Variants in TSHZ2 observed in about 807,000 individuals in gnomAD.
The protein encoded by TSHZ2 is teashirt homolog 2.
Under a neutral mutation model 74.4 loss-of-function variants are expected in TSHZ2, and 21 were observed. The observed-to-expected ratio is 0.28, with a 90% CI of 0.20 to 0.41. TSHZ2 has a LOEUF of 0.41. Among genes scored for constraint, TSHZ2 ranks in the 10% least tolerant of loss-of-function variants. TSHZ2 has a pLI of 1.00. For synonymous variants in TSHZ2, 540 were observed against 515.3 expected, an observed-to-expected ratio of 1.05 and a Z score of -0.65; for missense variants, 1,244 against 1,293.5, an observed-to-expected ratio of 0.96 and a Z score of 0.59.
In TSHZ2 at chr20:53,318,624, G is replaced by C. The variant is rs1476152446; in HGVS notation, c.*8+62053G>C. On this transcript the variant is annotated intron_variant, in intron 2 of 2. Coordinates refer to ENST00000371497, the MANE Select transcript of TSHZ2 (RefSeq NM_173485.6). ...TTGGCATCGTGGGCAGGAACACAAT[G>C]TAGCTTCCCTGGGAGAAGAAGGGAC... is the stretch of plus-strand genomic sequence containing the variant. Among the ~76,000 whole-genome samples, 4 of 152,330 alleles carry C rather than the reference G, an allele frequency of 2.6e-5. No individual in the cohort carries two copies. The East Asian group carries it at 7.7e-4, about 29-fold the overall frequency.
At chr20:53,359,532 A>G (rs898607130) in intron 2 of TSHZ2, among the ~76,000 whole-genome samples, 4 of 152,242 alleles carry the variant, frequency 2.6e-5, no homozygotes, top group Admixed American at 6.5e-5. Context: ...CTGTATTTTC[A>G]TTTGCTAAAT....
intron 2 of TSHZ2, among the ~76,000 whole-genome samples, chr20:53,320,780 TG>T (rs1979226720): frequency 6.6e-6 from 1 of 152,164 alleles, no homozygotes; most frequent in Admixed American, 6.5e-5. Flanking sequence ...CCTCCCACTT[TG>T]GGAGAGACTG....
In TSHZ2 at chr20:53,102,060, A is replaced by G. The variant is rs1986233052; in HGVS notation, c.40+128727A>G. On this transcript the variant is annotated intron_variant, in intron 1 of 2. Transcript: ENST00000371497. ...AAGAACCTACATTATTTCAAATTCT[A>G]TTCAATACTTAATGGTGTTATGGCA... Among the ~76,000 whole-genome samples the G allele has an allele frequency of 2.0e-5, 3 of 152,190 alleles. No homozygotes were observed. The South Asian group carries it at 6.2e-4, about 31-fold the overall frequency.
intron 1 of TSHZ2, among the ~76,000 whole-genome samples, chr20:53,040,056 A>C (rs1983980785): frequency 6.6e-6 from 1 of 152,152 alleles, no homozygotes; most frequent in South Asian, 2.1e-4. Context: ...CAGTGAGCCA[A>C]GATCGAGCCA....
chr20:53,342,931 A>ATTTCTTTTCT (rs1210110126), intron 2 of TSHZ2, among the ~76,000 whole-genome samples: 1 of 49,932 alleles, frequency 2.0e-5, no homozygotes, highest in Non-Finnish European at 4.4e-5. Flanking sequence ...AAGAACCCGT[A>ATTTCTTTTCT]TTTCTTTTCT....
At chr20:52,981,363 C>A (rs1200007150) in intron 1 of TSHZ2, among the ~76,000 whole-genome samples, 1 of 152,206 alleles carries the variant, frequency 6.6e-6, no homozygotes, top group Non-Finnish European at 1.5e-5. Flanking sequence ...CTTGGGCAGG[C>A]TGCTCAAATC....
chr20:53,332,424 G>A (rs1008085303), intron 2 of TSHZ2, among the ~76,000 whole-genome samples: 2 of 152,178 alleles, frequency 1.3e-5, no homozygotes, highest in Non-Finnish European at 2.9e-5. Context: ...CAAGAAGAAT[G>A]AAAAAGACGA....
intron 1 of TSHZ2, among the ~76,000 whole-genome samples, chr20:53,109,611 A>G (rs1483154039): frequency 6.6e-6 from 1 of 152,164 alleles, no homozygotes; most frequent in Non-Finnish European, 1.5e-5. Flanking sequence ...CAGAATTTTA[A>G]TTCTCCCTTT....
chr20:53,454,289 C>T (rs577018563), intron 2 of TSHZ2, among the ~76,000 whole-genome samples: 2 of 152,218 alleles, frequency 1.3e-5, no homozygotes, highest in Non-Finnish European at 2.9e-5. Flanking sequence ...AAAGGCCAGG[C>T]GTGGTGGCTC....
At chr20:53,021,290 A>T (rs1983236057) in intron 1 of TSHZ2, among the ~76,000 whole-genome samples, 1 of 152,102 alleles carries the variant, frequency 6.6e-6, no homozygotes, top group African/African-American at 2.4e-5. Flanking sequence ...CTCACCTAGG[A>T]ACTTGTTAGA....
rs193165533 is a variant in TSHZ2, at chr20:53,073,326, A to G, written c.40+99993A>G. Among the ~76,000 whole-genome samples the G allele has an allele frequency of 5.9e-4, 84 of 141,636 alleles. No individual in the cohort carries two copies. In the Middle Eastern group the frequency reaches 0.013, roughly 22 times the overall value. 92.9% of individuals were successfully genotyped at this position (141,636 alleles called of 152,430 possible). A position where few individuals can be genotyped will look rare whatever the true frequency, so the allele number is the denominator to read the frequency against. On this transcript the variant is annotated intron_variant, in intron 1 of 2. Transcript: ENST00000371497. ...CATCCATCCATCCATCCATCCCTTA[A>G]TCCATTCATCCATCCCTCCATTCCT...
At chr20:53,089,341 T>A (rs1739079) in intron 1 of TSHZ2, among the ~76,000 whole-genome samples, 1,934 of 129,726 alleles carry the variant, frequency 0.015, 37 homozygotes, top group South Asian at 0.032. Context: ...TTTTTTTTTT[T>A]ATTAAACAGA....
At chr20:53,142,901 C>G (rs1987441844) in intron 1 of TSHZ2, among the ~76,000 whole-genome samples, 1 of 151,966 alleles carries the variant, frequency 6.6e-6, no homozygotes, top group Non-Finnish European at 1.5e-5. Context: ...GCACTTGGGC[C>G]AAAAATAGCG....
At chr20:53,482,229 G>A (rs1046061522) in intron 2 of TSHZ2, among the ~76,000 whole-genome samples, 15 of 151,164 alleles carry the variant, frequency 9.9e-5, no homozygotes, top group African/African-American at 2.2e-4. Flanking sequence ...ATTACAAGCC[G>A]TATAAGAAGC....
chr20:53,346,066 A>G (rs1980427290), intron 2 of TSHZ2, among the ~76,000 whole-genome samples: 1 of 152,184 alleles, frequency 6.6e-6, no homozygotes, highest in Non-Finnish European at 1.5e-5. Flanking sequence ...GATGTTAATG[A>G]AGGTGTCACA....
chr20:53,227,575 C>T (rs1989714458), intron 1 of TSHZ2, among the ~76,000 whole-genome samples: 1 of 151,878 alleles, frequency 6.6e-6, no homozygotes, highest in Non-Finnish European at 1.5e-5. Context: ...TGTTTCTTAT[C>T]TGCAGTTTTA....
chr20:53,235,569 T>C (rs1003172637), intron 1 of TSHZ2, among the ~76,000 whole-genome samples: 4 of 152,170 alleles, frequency 2.6e-5, no homozygotes, highest in Admixed American at 2.0e-4. Context: ...TAAAAATATC[T>C]ACCTCACAGG....
At chr20:53,469,489 A>G (rs918044330) in intron 2 of TSHZ2, among the ~76,000 whole-genome samples, 1 of 151,900 alleles carries the variant, frequency 6.6e-6, no homozygotes, top group African/African-American at 2.4e-5. Context: ...GGTTGCAGTG[A>G]GCCGAGATCA....
At chr20:53,292,250 G>A in intron 2 of TSHZ2, among the ~76,000 whole-genome samples, 1 of 152,136 alleles carries the variant, frequency 6.6e-6, no homozygotes, top group Admixed American at 6.5e-5. Flanking sequence ...GACCCTTACA[G>A]GGGTAGAGAG....
Sources: allele counts gnomAD v4.1 joint callset (sites outside exome capture counted in the v4.1 genomes callset), GRCh38; gene constraint gnomAD v4.1.1; transcripts MANE v1.5; gene names NCBI Gene and HGNC (gene_info 2026-07-23, HGNC 2026-07-21).